TOB1: variants seen among roughly 807,000 people sequenced by gnomAD.
TOB1 encodes the protein protein Tob1.
TOB1 carries 2 observed loss-of-function variants against 22.9 expected under a neutral mutation model. The ratio of observed to expected loss-of-function variants is 0.09; its 90% CI spans 0.04 to 0.28. TOB1 has a LOEUF of 0.28. TOB1 is among the 10% of genes least tolerant of loss of function. The probability of loss-of-function intolerance (pLI) is 1.00; values close to 1 mark genes in which losing one functional copy is unlikely to be tolerated. For missense variants in TOB1, 299 were observed against 420.5 expected (o/e 0.71, Z 2.53); for synonymous variants, 154 against 150.6 (o/e 1.02, Z -0.17).
rs138238810 is a variant in TOB1, at chr17:50,863,967, G to A, written c.51C>T (p.Tyr17=). The A allele has an allele frequency of 6.6e-5, 100 of 1,507,360 alleles. No homozygotes were observed. Among genetic ancestry groups the A allele is most frequent in the Admixed American group, 2.6e-4 (14 of 54,474 alleles). 93.4% of individuals were successfully genotyped at this position (1,507,360 alleles called of 1,614,324 possible). The change falls in exon 2 of 2, where the codon TAC becomes TAT. Residue 17 remains tyrosine, a synonymous_variant. Transcript: ENST00000499247. The stretch of plus-strand genomic sequence containing the variant: ...TGACACGTCTCCTGGGAAGCTTATT[G>A]TACAAATACGAAATAATAAAATTTA... ...VALNFIISYL[Y]NKLPRRRVNI...
At position 50,863,841 on chromosome 17, in the gene TOB1, G is replaced by A. The variant is rs1356075581; in HGVS notation, c.177C>T (p.His59=). 3.7e-6 allele frequency: 6 copies of A among 1,613,928 alleles called. No individual in the cohort carries two copies. The South Asian group carries it at 6.6e-5, about 18-fold the overall frequency. Residue 59 remains histidine (H), a synonymous_variant, in exon 2 of 2, where the codon CAC becomes CAT. Transcript: ENST00000499247. ...PYKGSGFRCI[H]IGEKVDPVIE... The stretch of plus-strand genomic sequence containing the variant: ...TCACTGGGTCCACTTTCTCCCCTAT[G>A]TGTATACATCTAAACCCCGATCCTT...
At chr17:50,864,887 C>T (rs1383534781) in intron 1 of TOB1, among the ~76,000 whole-genome samples, 1 of 152,080 alleles carries the variant, frequency 6.6e-6, no homozygotes, top group Non-Finnish European at 1.5e-5. Context: ...AATACCTATT[C>T]GGCAGCAAGT....
At chr17:50,865,036 CA>C (rs1972275229) in intron 1 of TOB1, among the ~76,000 whole-genome samples, 1 of 152,160 alleles carries the variant, frequency 6.6e-6, no homozygotes, top group Admixed American at 6.5e-5. Flanking sequence ...GCCGGAGAGG[CA>C]AGTATGGTAA....
intron 1 of TOB1, 136 bp from the exon 2 acceptor site, chr17:50,864,299 A>T (rs1419063608): frequency 3.0e-6 from 1 of 333,186 alleles, no homozygotes; most frequent in Non-Finnish European, 4.9e-6. Flanking sequence ...AAGAAAAAGA[A>T]AATGTCTACT....
chr17:50,863,381 C>T lies in TOB1; in HGVS notation c.637G>A (p.Val213Met). 6.2e-7 allele frequency: 1 copy of T among 1,614,140 alleles called. No homozygotes were observed. Among genetic ancestry groups the T allele is most frequent in the South Asian group, 1.1e-5 (1 of 91,076 alleles). ...GCTTTCTGCTTCAAGAGGTCATTCA[C>T]ATTCAAGCCGAGGTTGATGGGAGAA... ...RTSPINLGLNVNDLLKQKAIS... is the reference protein window; with the variant it reads ...RTSPINLGLNMNDLLKQKAIS... Residue 213 changes from valine (V) to methionine (M), a missense_variant, in exon 2 of 2, where the codon GTG becomes ATG. Transcript: ENST00000499247.
upstream of TOB1, chr17:50,866,957 T>G (rs1362650445): frequency 2.0e-5 from 3 of 152,266 alleles, no homozygotes; most frequent in Non-Finnish European, 4.4e-5. Context: ...CCGGGACTTG[T>G]GCACCCGATT....
At position 50,863,975 on chromosome 17, in the gene TOB1, A is replaced by C. The variant is rs1395575071; in HGVS notation, c.43T>G (p.Tyr15Asp). 1 of 1,611,894 alleles carries C rather than the reference A, an allele frequency of 6.2e-7. No homozygotes were observed. ...IQVALNFIIS[Y>D]LYNKLPRRRV... ...CTCCTGGGAAGCTTATTGTACAAAT[A>C]CGAAATAATAAAATTTAGTGCTACT... Residue 15 changes from tyrosine (Y) to aspartate (D), a missense_variant, in exon 2 of 2, where the codon TAT becomes GAT. Coordinates refer to ENST00000499247, the MANE Select transcript of TOB1 (RefSeq NM_005749.4).
chr17:50,864,912 G>A (rs1034480536), intron 1 of TOB1, among the ~76,000 whole-genome samples: 1 of 152,118 alleles, frequency 6.6e-6, no homozygotes, highest in Non-Finnish European at 1.5e-5. Context: ...CAAAAGCAAA[G>A]ACACAAATTA....
chr17:50,864,667 T>C (rs1183813436), intron 1 of TOB1, among the ~76,000 whole-genome samples: 3 of 152,238 alleles, frequency 2.0e-5, no homozygotes, highest in Non-Finnish European at 4.4e-5. Context: ...TTTAAAAATT[T>C]GGTTACGTTA....
chr17:50,864,929 T>C (rs968858650), intron 1 of TOB1, among the ~76,000 whole-genome samples: 5 of 152,190 alleles, frequency 3.3e-5, no homozygotes, highest in East Asian at 1.9e-4. Flanking sequence ...ATTAAAACTA[T>C]TGATTATTCT....
rs1972257845 is a variant in TOB1, at chr17:50,863,944, A to G, written c.74T>C (p.Val25Ala). ...TTCAAGTTCTTCACCAAAAATGTTG[A>G]CACGTCTCCTGGGAAGCTTATTGTA... is the stretch of plus-strand genomic sequence containing the variant. ...YLYNKLPRRR[V>A]NIFGEELERL... is the part of the protein sequence containing the mutation. The change falls in exon 2 of 2, where the codon GTC becomes GCC. Residue 25 changes from valine to alanine, a missense_variant. Transcript: ENST00000499247. 5 of 1,613,162 alleles carry G rather than the reference A, an allele frequency of 3.1e-6. 1 individual carries two copies. In the South Asian group the frequency reaches 5.5e-5, roughly 18 times the overall value.
chr17:50,862,315 CG>C lies in TOB1; in HGVS notation c.*664del, dbSNP rs998518820. 20 of 151,654 alleles carry C rather than the reference CG, an allele frequency of 1.3e-4. No individual in the cohort carries two copies. Among genetic ancestry groups the C allele is most frequent in the African/African-American group, 4.1e-4 (17 of 41,240 alleles). 9.4% of individuals were successfully genotyped at this position (151,654 alleles called of 1,614,324 possible). On this transcript the variant is annotated 3_prime_UTR_variant, in exon 2 of 2. Transcript: ENST00000499247. The stretch of plus-strand genomic sequence containing the variant: ...ACACTGACTCAAAATACTTTTATAC[CG>C]TTTTTTTCAAGTATTGCACAATATA...
intron 1 of TOB1, among the ~76,000 whole-genome samples, chr17:50,864,673 C>A (rs768723461): frequency 6.6e-6 from 1 of 152,068 alleles, no homozygotes; most frequent in South Asian, 2.1e-4. Flanking sequence ...AATTTGGTTA[C>A]GTTAGGAAGA....
intron 1 of TOB1, 52 bp downstream of exon 1, chr17:50,866,006 C>T (rs1432997382): frequency 6.6e-6 from 1 of 152,146 alleles, no homozygotes; most frequent in Non-Finnish European, 1.5e-5. Flanking sequence ...GCCGCCTGGG[C>T]CCGGGGCTCC....
In TOB1 at chr17:50,866,079, G is replaced by A. The variant is rs1972299306; in HGVS notation, c.-168C>T. 6.6e-6 allele frequency: 1 copy of A among 152,106 alleles called. No homozygotes were observed. Among genetic ancestry groups the A allele is most frequent in the Non-Finnish European group, 1.5e-5 (1 of 68,026 alleles). The allele number at this position is 152,106 out of a possible 1,614,324, so 9.4% of individuals were successfully genotyped here. On this transcript the variant is annotated 5_prime_UTR_variant, in exon 1 of 2. Transcript: ENST00000499247. ...TTACGGGCTGCTTCGGGGCGGCTTGGACCACAGACCCGCGGCTGGGCGGGG... is the reference window on the plus strand; with the variant it reads ...TTACGGGCTGCTTCGGGGCGGCTTGAACCACAGACCCGCGGCTGGGCGGGG...
Position 50,863,203 on chromosome 17 carries a change from T to C in TOB1, c.815A>G (p.Lys272Arg). The change falls in exon 2 of 2, where the codon AAG becomes AGG. Residue 272 changes from lysine (K) to arginine (R), a missense_variant. Transcript: ENST00000499247. ...CTGCATATTAGGAAAAATAAATTCC[T>C]TGGCATTAGGAGAAAGAGCAGAGGT... The part of the protein sequence containing the change: ...QKTSALSPNA[K>R]EFIFPNMQGQ... 6.2e-7 allele frequency: 1 copy of C among 1,614,164 alleles called. No individual in the cohort carries two copies. The highest frequency in any genetic ancestry group is 8.5e-7 in the Non-Finnish European group (1 of 1,180,030).
At position 50,863,509 on chromosome 17, in the gene TOB1, C is replaced by T. The variant is rs376215993; in HGVS notation, c.509G>A (p.Arg170Gln). 1.3e-5 allele frequency: 21 copies of T among 1,613,920 alleles called. No homozygotes were observed. The highest frequency in any genetic ancestry group is 1.7e-5 in the Admixed American group (1 of 59,984). ...SAAVSPTFMPRSTQPLTFTTA... is the reference protein window; with the variant it reads ...SAAVSPTFMPQSTQPLTFTTA... The stretch of plus-strand genomic sequence containing the variant: ...GGTAAAGGTTAAAGGCTGAGTGGAC[C>T]GGGGCATGAAGGTAGGGCTTACAGC... The change falls in exon 2 of 2, where the codon CGG (arginine) becomes CAG (glutamine). Residue 170 changes from arginine (R) to glutamine (Q), a missense_variant. Arg to Gln is a conservative substitution (Grantham distance 43, BLOSUM62 1). Coordinates refer to ENST00000499247, the MANE Select transcript of TOB1 (RefSeq NM_005749.4).
Position 50,863,639 on chromosome 17 carries a change from CCTT to C in TOB1, c.376_378del (p.Lys126del). 2 of 1,614,112 alleles carry C rather than the reference CCTT, an allele frequency of 1.2e-6. No homozygotes were observed. The highest frequency in any genetic ancestry group is 1.7e-6 in the Non-Finnish European group (2 of 1,180,022). The stretch of plus-strand genomic sequence containing the variant: ...TCTGGGTTAAAGCTGTTTTTGATCT[CCTT>C]ATCCAACTCACATCCATTTTCATTA... On this transcript the variant is annotated inframe_deletion, in exon 2 of 2. Coordinates refer to ENST00000499247, the MANE Select transcript of TOB1 (RefSeq NM_005749.4).
Position 50,863,774 on chromosome 17 carries a change from C to T in TOB1, c.244G>A (p.Val82Ile). ...SKESGLDIDD[V>I]RGNLPQDLSV... is the part of the protein sequence containing the mutation. The stretch of plus-strand genomic sequence containing the variant: ...AGATCCTGTGGCAGATTGCCACGAA[C>T]ATCATCAATGTCCAAACCACTCTCT... The change falls in exon 2 of 2, where the codon GTT becomes ATT. Residue 82 changes from valine (V) to isoleucine (I), a missense_variant. Val to Ile is a conservative substitution (Grantham distance 29, BLOSUM62 3). Coordinates refer to ENST00000499247, the MANE Select transcript of TOB1 (RefSeq NM_005749.4). The T allele has an allele frequency of 6.2e-7, 1 of 1,614,084 alleles. No individual in the cohort carries two copies.
Sources: allele counts gnomAD v4.1 joint callset (sites outside exome capture counted in the v4.1 genomes callset), GRCh38; gene constraint gnomAD v4.1.1; transcripts MANE v1.5; gene names NCBI Gene and HGNC (gene_info 2026-07-23, HGNC 2026-07-21).